COG7: variants seen among roughly 807,000 people sequenced by gnomAD.
The protein encoded by COG7 is conserved oligomeric Golgi complex subunit 7.
COG7 carries 49 observed loss-of-function variants against 91.5 expected under a neutral mutation model. That is an observed-to-expected ratio of 0.54 (90% CI 0.43 to 0.68). COG7 has a LOEUF of 0.68. Ranked by LOEUF, COG7 falls within the 30% of genes least tolerant of loss-of-function variation. The pLI, the probability that COG7 is intolerant of heterozygous loss-of-function variation, is 0.00. For missense variants in COG7, 895 were observed against 961.3 expected, an observed-to-expected ratio of 0.93 and a Z score of 0.91; for synonymous variants, 365 against 388.7, an observed-to-expected ratio of 0.94 and a Z score of 0.72.
intron 1 of COG7, among the ~76,000 whole-genome samples, chr16:23,447,995 A>C (rs996112313): frequency 6.6e-6 from 1 of 152,156 alleles, no homozygotes; most frequent in Non-Finnish European, 1.5e-5. Context: ...CTTGTTCAAC[A>C]GTGTATTTTT....
chr16:23,448,187 C>G (rs1964212279), intron 1 of COG7, among the ~76,000 whole-genome samples: 1 of 152,132 alleles, frequency 6.6e-6, no homozygotes, highest in Non-Finnish European at 1.5e-5. Flanking sequence ...CCTATGAAGG[C>G]TACCTACTGC....
At chr16:23,409,668 A>T (rs1317852723) in intron 11 of COG7, among the ~76,000 whole-genome samples, 1 of 152,178 alleles carries the variant, frequency 6.6e-6, no homozygotes, top group Non-Finnish European at 1.5e-5. Flanking sequence ...ATTTAAAGGG[A>T]TAAAGAAAGA....
At chr16:23,397,186 A>G (rs1963299217) in intron 14 of COG7, among the ~76,000 whole-genome samples, 1 of 152,220 alleles carries the variant, frequency 6.6e-6, no homozygotes, top group African/African-American at 2.4e-5. Flanking sequence ...TGTGACTATA[A>G]GCATGAGCCA....
intron 13 of COG7, among the ~76,000 whole-genome samples, chr16:23,402,529 C>T (rs1963395108): frequency 1.3e-5 from 2 of 152,146 alleles, no homozygotes; most frequent in South Asian, 4.1e-4. Flanking sequence ...TATCAATATA[C>T]AAAATCTCAC....
At chr16:23,403,649 GA>G in intron 13 of COG7, 44 bp downstream of exon 13, 1 of 1,612,096 alleles carries the variant, frequency 6.2e-7, no homozygotes, top group Non-Finnish European at 8.5e-7. Flanking sequence ...GCTTGAGTTG[GA>G]GGCAGGACCC....
At chr16:23,410,231 C>T in intron 11 of COG7, 64 bp downstream of exon 11, 2 of 1,378,380 alleles carry the variant, frequency 1.5e-6, no homozygotes, top group Admixed American at 3.5e-5. Context: ...GTACTGTGTA[C>T]TAGACCAAGC....
chr16:23,444,511 CTTT>C (rs11437438), intron 3 of COG7, among the ~76,000 whole-genome samples: 7 of 132,634 alleles, frequency 5.3e-5, no homozygotes, highest in Non-Finnish European at 8.0e-5. Flanking sequence ...TTTTCTTCTT[CTTT>C]TTTTTTTTTT....
intron 9 of COG7, chr16:23,414,136 C>T (rs796451266): frequency 6.8e-5 from 11 of 162,358 alleles, no homozygotes; most frequent in Admixed American, 3.5e-4. Context: ...TCACAGGCTG[C>T]GTTGTTTGCT....
chr16:23,445,169 A>G lies in COG7; in HGVS notation c.319-5T>C, dbSNP rs371511766. On this transcript the variant is annotated splice_region_variant and splice_polypyrimidine_tract_variant and intron_variant, in intron 2 of 16. Coordinates refer to ENST00000307149, the MANE Select transcript of COG7 (RefSeq NM_153603.4). ...TTGGTCAATTTCTACCAACACCTGA[A>G]AGAGGCGTGAGGGGTGAAAAATGAA... 1 of 1,605,422 alleles carries G rather than the reference A, an allele frequency of 6.2e-7. No individual in the cohort carries two copies. Among genetic ancestry groups the G allele is most frequent in the Non-Finnish European group, 8.5e-7 (1 of 1,172,232 alleles).
At chr16:23,406,960 C>G (rs9924853) in intron 11 of COG7, among the ~76,000 whole-genome samples, 1,667 of 152,324 alleles carry the variant, frequency 0.011, 23 homozygotes, top group African/African-American at 0.037. Context: ...CTTAGCCCAA[C>G]TTTACCACCC....
At chr16:23,393,177 T>G (rs1321685018) in intron 15 of COG7, 56 bp downstream of exon 15, 16 of 1,307,400 alleles carry the variant, frequency 1.2e-5, no homozygotes, top group Non-Finnish European at 1.8e-5. Context: ...CTGGAGTTTC[T>G]ACCCTGGAAA....
chr16:23,389,565 C>A (rs1047012003), intron 16 of COG7, among the ~76,000 whole-genome samples: 1 of 152,158 alleles, frequency 6.6e-6, no homozygotes, highest in African/African-American at 2.4e-5. Context: ...CAAGCCCTGG[C>A]CCCCAGGGTA....
intron 11 of COG7, 147 bp downstream of exon 11, chr16:23,410,148 T>A: frequency 1.4e-6 from 1 of 708,504 alleles, no homozygotes; most frequent in Non-Finnish European, 2.6e-6. Flanking sequence ...ATGACAATAA[T>A]GACACGCTGT....
intron 12 of COG7, 68 bp downstream of exon 12, chr16:23,406,008 A>G: frequency 6.9e-7 from 1 of 1,445,986 alleles, no homozygotes; most frequent in South Asian, 1.1e-5. Flanking sequence ...TGTAACCCAG[A>G]GAGGGAGAGG....
chr16:23,408,584 T>C (rs1056716807), intron 11 of COG7, among the ~76,000 whole-genome samples: 1 of 151,954 alleles, frequency 6.6e-6, no homozygotes, highest in Non-Finnish European at 1.5e-5. Flanking sequence ...CCAAGATTTT[T>C]TGTGATGGTT....
chr16:23,405,517 CT>C lies in COG7; in HGVS notation c.1662+558del, dbSNP rs869133051. Among the ~76,000 whole-genome samples, 346 of 139,110 alleles carry C rather than the reference CT, an allele frequency of 2.5e-3. 1 individual carries two copies. The highest frequency in any genetic ancestry group is 7.4e-3 in the Middle Eastern group (2 of 270). The allele number at this position is 139,110 out of a possible 152,430, so 91.3% of individuals were successfully genotyped here. A position where few individuals can be genotyped will look rare whatever the true frequency, so the allele number is the denominator to read the frequency against. On this transcript the variant is annotated intron_variant, in intron 12 of 16. Coordinates refer to ENST00000307149, the MANE Select transcript of COG7 (RefSeq NM_153603.4). ...ATCTAAACCCACATTCTCTTTTTTCCTTTTTTTTTTTTTTTTTGAGATGGAG... is the reference window on the plus strand; with the variant it reads ...ATCTAAACCCACATTCTCTTTTTTCCTTTTTTTTTTTTTTTTGAGATGGAG...
chr16:23,392,376 C>G lies in COG7; in HGVS notation c.2146+4G>C, dbSNP rs750266735. 2.9e-5 allele frequency: 46 copies of G among 1,614,026 alleles called. No homozygotes were observed. In the South Asian group the frequency reaches 4.3e-4, roughly 15 times the overall value. On this transcript the variant is annotated splice_donor_region_variant and intron_variant, in intron 16 of 16. Coordinates refer to ENST00000307149, the MANE Select transcript of COG7 (RefSeq NM_153603.4). ...CTCCCACCGCCTGTCTTGTGGGGAC[C>G]CACCGATGTCAGTGGCCAGCTGCTT...
At position 23,453,061 on chromosome 16, in the gene COG7, G is replaced by A; in HGVS notation, c.-67C>T. On this transcript the variant is annotated 5_prime_UTR_variant, in exon 1 of 17. Coordinates refer to ENST00000307149, the MANE Select transcript of COG7 (RefSeq NM_153603.4). ...GGCTCCGGGCGGCAACGGGGATGCAGAAGCGAGCGAGCCTGCGAGAGCACC... is the reference window on the plus strand; with the variant it reads ...GGCTCCGGGCGGCAACGGGGATGCAAAAGCGAGCGAGCCTGCGAGAGCACC... The A allele has an allele frequency of 6.2e-7, 1 of 1,605,256 alleles. No homozygotes were observed. The highest frequency in any genetic ancestry group is 8.5e-7 in the Non-Finnish European group (1 of 1,175,532).
intron 16 of COG7, 128 bp from the exon 17 acceptor site, chr16:23,389,214 C>A: frequency 2.8e-6 from 3 of 1,078,770 alleles, no homozygotes; most frequent in Non-Finnish European, 4.1e-6. Context: ...TGTGGGGCGC[C>A]AACCCTGCCC....
Sources: allele counts gnomAD v4.1 joint callset (sites outside exome capture counted in the v4.1 genomes callset), GRCh38; gene constraint gnomAD v4.1.1; transcripts MANE v1.5; gene names NCBI Gene and HGNC (gene_info 2026-07-23, HGNC 2026-07-21).